The following NRG3 variants were observed in gnomAD, a reference collection of about 807,000 sequenced individuals.
NRG3 encodes neuregulin 3.
A neutral mutation model predicts 66.9 loss-of-function variants in NRG3; 31 were observed. The ratio of observed to expected loss-of-function variants is 0.46; its 90% CI spans 0.35 to 0.63. The LOEUF is 0.63. NRG3 is among the 20% of genes least tolerant of loss of function. The probability of loss-of-function intolerance (pLI) is 0.00; values close to 1 mark genes in which losing one functional copy is unlikely to be tolerated. For synonymous variants in NRG3, 393 were observed against 359.4 expected (o/e 1.09, Z -1.06); for missense variants, 910 against 878.9 (o/e 1.04, Z -0.45).
At chr10:82,033,559 A>T (rs2062664083) in intron 1 of NRG3, among the ~76,000 whole-genome samples, 2 of 152,112 alleles carry the variant, frequency 1.3e-5, no homozygotes, top group East Asian at 3.9e-4. Context: ...ATACCTTTTT[A>T]TTTTATTTTT....
At chr10:82,324,864 G>T (rs1564796959) in intron 1 of NRG3, among the ~76,000 whole-genome samples, 1 of 152,156 alleles carries the variant, frequency 6.6e-6, no homozygotes, top group African/African-American at 2.4e-5. Flanking sequence ...ATGCACACTA[G>T]AAAAGAATAT....
chr10:82,538,864 T>C (rs1229323237), intron 2 of NRG3, among the ~76,000 whole-genome samples: 3 of 152,158 alleles, frequency 2.0e-5, no homozygotes, highest in Non-Finnish European at 4.4e-5. Flanking sequence ...TCTAGGTAAG[T>C]GGGAAGAAGG....
At chr10:82,811,141 C>T (rs1053975947) in intron 3 of NRG3, among the ~76,000 whole-genome samples, 7 of 152,188 alleles carry the variant, frequency 4.6e-5, no homozygotes, top group African/African-American at 9.7e-5. Flanking sequence ...TACATACAAA[C>T]GCCTGGCAAT....
At chr10:82,054,571 A>G (rs2063745143) in intron 1 of NRG3, among the ~76,000 whole-genome samples, 1 of 152,148 alleles carries the variant, frequency 6.6e-6, no homozygotes, top group Admixed American at 6.5e-5. Context: ...AGTTAGATAT[A>G]TGAATATGGT....
intron 2 of NRG3, among the ~76,000 whole-genome samples, chr10:82,424,777 A>G (rs545682952): frequency 1.3e-5 from 2 of 152,084 alleles, no homozygotes; most frequent in South Asian, 4.2e-4. Context: ...TTTAGCTCTT[A>G]CATTTAGGTC....
At chr10:82,132,056 A>G (rs2068861391) in intron 1 of NRG3, among the ~76,000 whole-genome samples, 1 of 151,948 alleles carries the variant, frequency 6.6e-6, no homozygotes, top group East Asian at 1.9e-4. Flanking sequence ...CTCTACCTAG[A>G]GTTTCCAGTA....
chr10:81,974,318 C>T (rs1468239079), intron 1 of NRG3, among the ~76,000 whole-genome samples: 2 of 151,454 alleles, frequency 1.3e-5, no homozygotes, highest in African/African-American at 4.8e-5. Context: ...TAAAAACAAC[C>T]AGAGAAAAAA....
chr10:82,652,057 G>A (rs1318066355), intron 2 of NRG3, among the ~76,000 whole-genome samples: 1 of 152,210 alleles, frequency 6.6e-6, no homozygotes, highest in African/African-American at 2.4e-5. Context: ...GGCACCAGCA[G>A]GGGTGAACTT....
intron 1 of NRG3, among the ~76,000 whole-genome samples, chr10:82,105,215 T>C (rs1055782750): frequency 6.6e-6 from 1 of 152,172 alleles, no homozygotes; most frequent in African/African-American, 2.4e-5. Context: ...CAATTTTCAT[T>C]ATAGAATTGG....
At chr10:82,777,295 C>A (rs1341073885) in intron 3 of NRG3, among the ~76,000 whole-genome samples, 1 of 152,004 alleles carries the variant, frequency 6.6e-6, no homozygotes. Context: ...CTTTAGGGGT[C>A]TTCCTGTTTA....
intron 3 of NRG3, among the ~76,000 whole-genome samples, chr10:82,861,133 T>G (rs986663714): frequency 3.9e-5 from 6 of 151,972 alleles, no homozygotes; most frequent in African/African-American, 1.5e-4. Flanking sequence ...GATGGAAGCA[T>G]GTATGTGTGT....
chr10:82,484,591 C>G (rs1272822747), intron 2 of NRG3, among the ~76,000 whole-genome samples: 3 of 152,218 alleles, frequency 2.0e-5, no homozygotes, highest in Admixed American at 2.0e-4. Flanking sequence ...TTAATTACAT[C>G]TACAAATTCC....
intron 1 of NRG3, among the ~76,000 whole-genome samples, chr10:82,223,935 A>C (rs1218384149): frequency 2.0e-5 from 3 of 152,192 alleles, no homozygotes; most frequent in Non-Finnish European, 4.4e-5. Flanking sequence ...ATACAAAGTG[A>C]GTCTGTTTCC....
chr10:82,099,728 T>C (rs2066606241), intron 1 of NRG3, among the ~76,000 whole-genome samples: 1 of 152,100 alleles, frequency 6.6e-6, no homozygotes, highest in African/African-American at 2.4e-5. Context: ...ATCAACACTT[T>C]GGGAGACTGA....
At chr10:82,857,636 G>C (rs1261792846) in intron 3 of NRG3, among the ~76,000 whole-genome samples, 1 of 152,156 alleles carries the variant, frequency 6.6e-6, no homozygotes, top group Non-Finnish European at 1.5e-5. Context: ...TATATGGAAG[G>C]AAGACTAGGA....
intron 3 of NRG3, among the ~76,000 whole-genome samples, chr10:82,795,000 C>A (rs542570964): frequency 5.0e-4 from 76 of 152,288 alleles, no homozygotes; most frequent in African/African-American, 1.8e-3. Context: ...AAATCAATTT[C>A]TTCTCTATGC....
intron 2 of NRG3, among the ~76,000 whole-genome samples, chr10:82,502,523 T>G (rs1019052061): frequency 3.9e-5 from 6 of 152,226 alleles, no homozygotes; most frequent in African/African-American, 1.4e-4. Flanking sequence ...ATTAATTGCA[T>G]TTTTCTGATA....
chr10:82,574,277 A>T (rs2045910753), intron 2 of NRG3, among the ~76,000 whole-genome samples: 1 of 151,814 alleles, frequency 6.6e-6, no homozygotes, highest in Admixed American at 6.6e-5. Flanking sequence ...AAGTGAAATA[A>T]GCCAGGCATA....
intron 1 of NRG3, among the ~76,000 whole-genome samples, chr10:82,276,096 T>G (rs1164149735): frequency 6.6e-6 from 1 of 152,036 alleles, no homozygotes; most frequent in African/African-American, 2.4e-5. Context: ...CAACAATAAG[T>G]TCGTTTTATT....
Sources: allele counts gnomAD v4.1 joint callset (sites outside exome capture counted in the v4.1 genomes callset), GRCh38; gene constraint gnomAD v4.1.1; transcripts MANE v1.5; gene names NCBI Gene and HGNC (gene_info 2026-07-23, HGNC 2026-07-21).